Variants in FBXO42 observed in about 807,000 individuals in gnomAD.
The protein encoded by FBXO42 is F-box protein 42.
In FBXO42, 12 loss-of-function variants were observed where a neutral mutation model predicts 71.7. That is an observed-to-expected ratio of 0.17 (90% CI 0.11 to 0.27). The LOEUF is 0.27. FBXO42 is among the 10% of genes least tolerant of loss of function. The probability of loss-of-function intolerance (pLI) is 1.00; values close to 1 mark genes in which losing one functional copy is unlikely to be tolerated. For missense variants in FBXO42, 707 were observed against 911.9 expected (o/e 0.78, Z 2.89); for synonymous variants, 325 against 327.5 (o/e 0.99, Z 0.08).
At chr1:16,307,216 A>G (rs1458857444) in intron 2 of FBXO42, among the ~76,000 whole-genome samples, 1 of 152,138 alleles carries the variant, frequency 6.6e-6, no homozygotes, top group Non-Finnish European at 1.5e-5. Flanking sequence ...AAAAGATGAG[A>G]GGCCAGGCGC....
intron 2 of FBXO42, among the ~76,000 whole-genome samples, chr1:16,308,251 A>T (rs2082272915): frequency 6.6e-6 from 1 of 152,082 alleles, no homozygotes; most frequent in Admixed American, 6.6e-5. Flanking sequence ...AAAGTGTTGG[A>T]ATTACAGGCG....
intron 1 of FBXO42, among the ~76,000 whole-genome samples, chr1:16,340,184 A>G (rs1332499865): frequency 1.3e-5 from 2 of 152,088 alleles, no homozygotes; most frequent in Non-Finnish European, 1.5e-5. Context: ...CTCAAAAAAA[A>G]AAAAGTAAAT....
At chr1:16,272,943 T>C (rs1309447923) in intron 4 of FBXO42, among the ~76,000 whole-genome samples, 1 of 152,178 alleles carries the variant, frequency 6.6e-6, no homozygotes, top group Non-Finnish European at 1.5e-5. Context: ...TCTCGATTCT[T>C]TTTGTTTCTT....
intron 4 of FBXO42, among the ~76,000 whole-genome samples, chr1:16,264,891 C>T (rs2081754429): frequency 6.6e-6 from 1 of 152,180 alleles, no homozygotes; most frequent in Non-Finnish European, 1.5e-5. Context: ...ACACGGCATT[C>T]TTGTTTACGT....
At chr1:16,280,072 T>A (rs1010501224) in intron 4 of FBXO42, among the ~76,000 whole-genome samples, 9 of 152,264 alleles carry the variant, frequency 5.9e-5, no homozygotes, top group African/African-American at 2.2e-4. Context: ...GGTCTTGAAC[T>A]CCTGGCCTCG....
intron 4 of FBXO42, 117 bp downstream of exon 4, chr1:16,294,666 A>T: frequency 1.0e-6 from 1 of 1,004,982 alleles, no homozygotes; most frequent in Non-Finnish European, 1.5e-6. Flanking sequence ...CATTAAACTT[A>T]AGGACCTGAG....
intron 4 of FBXO42, among the ~76,000 whole-genome samples, chr1:16,278,621 A>G (rs2081929739): frequency 6.6e-6 from 1 of 152,152 alleles, no homozygotes; most frequent in Non-Finnish European, 1.5e-5. Context: ...CTCAGGGAAG[A>G]TAACCTAAGA....
intron 4 of FBXO42, among the ~76,000 whole-genome samples, chr1:16,273,968 T>C (rs1380847411): frequency 1.3e-5 from 2 of 152,130 alleles, no homozygotes; most frequent in African/African-American, 4.8e-5. Flanking sequence ...ACCACATAGA[T>C]GAATCTCAAA....
intron 3 of FBXO42, among the ~76,000 whole-genome samples, chr1:16,299,306 C>A (rs907562719): frequency 2.0e-5 from 3 of 152,174 alleles, no homozygotes; most frequent in African/African-American, 7.2e-5. Flanking sequence ...CCACCGCACC[C>A]AGCCCACATT....
intron 1 of FBXO42, among the ~76,000 whole-genome samples, chr1:16,340,999 C>A (rs2082598713): frequency 6.6e-6 from 1 of 152,064 alleles, no homozygotes; most frequent in African/African-American, 2.4e-5. Context: ...TAATGTCCAT[C>A]AAAAACAGAC....
intron 1 of FBXO42, among the ~76,000 whole-genome samples, chr1:16,343,952 CAA>C (rs200166365): frequency 1.0e-4 from 9 of 87,762 alleles, no homozygotes; most frequent in Admixed American, 1.3e-4. Flanking sequence ...TTTAGCATGG[CAA>C]AAAAAAAAAA....
chr1:16,292,300 CTTCCCTTCCTCTCTTT>C (rs2082086952), intron 4 of FBXO42: 1 of 152,050 alleles, frequency 6.6e-6, no homozygotes, highest in Admixed American at 6.6e-5. Context: ...TTCCTCTTTT[CTTCCCTTCCTCTCTTT>C]CTCTTTCTTT....
intron 1 of FBXO42, among the ~76,000 whole-genome samples, chr1:16,331,471 C>T (rs2082500012): frequency 2.0e-5 from 3 of 148,748 alleles, no homozygotes; most frequent in Admixed American, 2.0e-4. Flanking sequence ...AAAGTAAAAA[C>T]CGGCTTGGTG....
At chr1:16,281,660 CTTTCTTTTTT>C (rs2100501541) in intron 4 of FBXO42, among the ~76,000 whole-genome samples, 1 of 148,554 alleles carries the variant, frequency 6.7e-6, no homozygotes, top group East Asian at 2.0e-4. Flanking sequence ...TTTTCTTTTT[CTTTCTTTTTT>C]TTTTTTGAGA....
chr1:16,305,828 G>A lies in FBXO42; in HGVS notation c.342C>T (p.Thr114=). The A allele has an allele frequency of 3.7e-6, 6 of 1,614,040 alleles. No individual in the cohort carries two copies. The South Asian group carries it at 6.6e-5, about 18-fold the overall frequency. ...WESRTYPYPG[T]PITQRFSHSA... is the part of the protein sequence containing the mutation. ...TGTGCGAGAAGCGCTGAGTGATTGG[G>A]GTTCCAGGATAAGGATAGGTACGGC... is the stretch of plus-strand genomic sequence containing the variant. The change falls in exon 3 of 10, where the codon ACC becomes ACT. Residue 114 remains threonine (T), a synonymous_variant. Coordinates refer to ENST00000375592, the MANE Select transcript of FBXO42 (RefSeq NM_018994.3).
At chr1:16,262,425 C>T (rs573023002) in intron 4 of FBXO42, among the ~76,000 whole-genome samples, 383 of 152,270 alleles carry the variant, frequency 2.5e-3, no homozygotes, top group Non-Finnish European at 4.4e-3. Flanking sequence ...GGTGAGATCA[C>T]ATGGGGTGTG....
intron 4 of FBXO42, among the ~76,000 whole-genome samples, chr1:16,283,494 GTTTTTTTTTTTT>G (rs386366300): frequency 1.2e-5 from 1 of 80,972 alleles, no homozygotes; most frequent in African/African-American, 4.5e-5. Context: ...ACTGTGGCAA[GTTTTTTTTTTTT>G]TTTTTTTTTT....
chr1:16,321,692 G>C (rs1211944641), intron 1 of FBXO42, among the ~76,000 whole-genome samples: 7 of 136,616 alleles, frequency 5.1e-5, no homozygotes, highest in Non-Finnish European at 1.1e-4. Context: ...AGCTCGCAAG[G>C]GTTTTTTTTT....
In FBXO42 at chr1:16,351,781, G is replaced by C. The variant is rs550312728; in HGVS notation, c.-18+474C>G. On this transcript the variant is annotated intron_variant, in intron 1 of 9. Transcript: ENST00000375592. ...AGCTAGGGGATAGGAAAGGCCTTTT[G>C]TGTTTTATTTAACGTAAACCAATTC... 9.8e-5 allele frequency among the ~76,000 whole-genome samples: 15 copies of C among 152,296 alleles called. No homozygotes were observed. In the East Asian group the frequency reaches 2.9e-3, roughly 29 times the overall value.
Sources: gnomAD v4.1 joint callset for allele counts (sites outside exome capture counted in the v4.1 genomes callset) on GRCh38, gnomAD v4.1.1 for gene constraint, MANE v1.5 for transcripts, NCBI Gene and HGNC (gene_info 2026-07-23, HGNC 2026-07-21) for gene names.